Variants in STARD9 observed in about 807,000 individuals in gnomAD.
The protein encoded by STARD9 is stAR-related lipid transfer protein 9.
A neutral mutation model predicts 399.8 loss-of-function variants in STARD9; 346 were observed. That is an observed-to-expected ratio of 0.87 (90% confidence interval 0.79 to 0.95). STARD9 has a LOEUF of 0.95. Ranked by LOEUF, STARD9 falls within the 40% of genes least tolerant of loss-of-function variation. The pLI, the probability that STARD9 is intolerant of heterozygous loss-of-function variation, is 0.00. For synonymous variants in STARD9, 2,203 were observed against 2,143.5 expected (o/e 1.03, Z -0.77); for missense variants, 5,832 against 5,667.5 (o/e 1.03, Z -0.93).
At chr15:42,661,007 T>C (rs891952132) in intron 9 of STARD9, 151 bp from the exon 10 acceptor site, 7 of 561,118 alleles carry the variant, frequency 1.2e-5, no homozygotes, top group Non-Finnish European at 2.2e-5. Flanking sequence ...TGTCAGATAT[T>C]GAGAGCTCAC....
rs2140276435 is a variant in STARD9, at chr15:42,690,757, C to T, written c.9179C>T (p.Pro3060Leu). ...VLSRAQGCRSPSAPDVRTGSF... is the reference protein window; with the variant it reads ...VLSRAQGCRSLSAPDVRTGSF... ...TCTCGAGCTCAAGGCTGCAGATCCCCTTCTGCTCCTGACGTGAGGACAGGT... is the reference window on the plus strand; with the variant it reads ...TCTCGAGCTCAAGGCTGCAGATCCCTTTCTGCTCCTGACGTGAGGACAGGT... Residue 3060 changes from proline (P) to leucine (L), a missense_variant, in exon 23 of 33, where the codon CCT (proline) becomes CTT (leucine). Pro to Leu is a moderately conservative substitution (Grantham distance 98). Coordinates refer to ENST00000290607, the MANE Select transcript of STARD9 (RefSeq NM_020759.3). The T allele has an allele frequency of 6.5e-7, 1 of 1,537,238 alleles. No individual in the cohort carries two copies. The highest frequency in any genetic ancestry group is 2.4e-5 in the East Asian group (1 of 40,920).
chr15:42,717,389 G>A (rs550427925), intron 28 of STARD9, among the ~76,000 whole-genome samples: 72 of 152,152 alleles, frequency 4.7e-4, no homozygotes, highest in African/African-American at 1.7e-3. Flanking sequence ...TTGGGAGGCT[G>A]AGGTGGGAAG....
intron 6 of STARD9, 182 bp downstream of exon 6, chr15:42,638,269 A>G (rs1595685670): frequency 1.6e-6 from 1 of 627,786 alleles, no homozygotes; most frequent in Admixed American, 2.9e-5. Flanking sequence ...AGGAAACTTA[A>G]TTTCCTACCC....
chr15:42,655,250 C>T (rs889574827), intron 9 of STARD9, among the ~76,000 whole-genome samples: 2 of 152,208 alleles, frequency 1.3e-5, no homozygotes, highest in African/African-American at 4.8e-5. Context: ...CCGCTGCACT[C>T]CAGCCTGGGC....
intron 3 of STARD9, among the ~76,000 whole-genome samples, chr15:42,591,772 A>G (rs1464447250): frequency 2.0e-5 from 3 of 152,248 alleles, no homozygotes; most frequent in African/African-American, 7.2e-5. Context: ...GTTGTCACCA[A>G]CTAGGGACTA....
intron 4 of STARD9, 74 bp from the exon 5 acceptor site, chr15:42,637,833 G>A (rs2059447377): frequency 2.1e-6 from 3 of 1,456,056 alleles, no homozygotes; most frequent in Non-Finnish European, 2.8e-6. Context: ...TGCTGAGGAT[G>A]GTTCCTGGGT....
intron 26 of STARD9, among the ~76,000 whole-genome samples, chr15:42,702,082 A>T (rs748762186): frequency 3.3e-5 from 5 of 151,926 alleles, no homozygotes; most frequent in Admixed American, 1.3e-4. Context: ...TTCCTCGCTA[A>T]CAGATATTAG....
At chr15:42,604,745 GC>G (rs1297111325) in intron 3 of STARD9, among the ~76,000 whole-genome samples, 1 of 143,866 alleles carries the variant, frequency 7.0e-6, no homozygotes, top group African/African-American at 2.6e-5. Context: ...CTGGGCTCAA[GC>G]AATCCTCCCA....
intron 9 of STARD9, 39 bp downstream of exon 9, chr15:42,652,631 C>T (rs28650274): frequency 0.023 from 33,719 of 1,489,918 alleles, 499 homozygotes; most frequent in Middle Eastern, 0.032. Context: ...TTCTTCCTCT[C>T]CTTGTACCTT....
chr15:42,577,960 G>A (rs2058090507), intron 1 of STARD9, among the ~76,000 whole-genome samples: 1 of 152,156 alleles, frequency 6.6e-6, no homozygotes, highest in African/African-American at 2.4e-5. Flanking sequence ...TGTTTTTCCA[G>A]ATGACAGAAT....
Position 42,686,345 on chromosome 15 carries a change from T to G in STARD9, c.4767T>G (p.Thr1589=). 6.5e-7 allele frequency: 1 copy of G among 1,537,512 alleles called. No homozygotes were observed. Among genetic ancestry groups the G allele is most frequent in the Non-Finnish European group, 8.7e-7 (1 of 1,146,962 alleles). The change falls in exon 23 of 33, where the codon ACT becomes ACG. Residue 1589 remains threonine (T), a synonymous_variant. Transcript: ENST00000290607. ...AGAAAGAGGCGAGTTATGACGAAAC[T>G]TATTCGGCAGACTTAGAATCATTGT... ...TSEKEASYDE[T]YSADLESLSA...
intron 9 of STARD9, among the ~76,000 whole-genome samples, chr15:42,659,517 CTTTG>C (rs1344920172): frequency 6.6e-6 from 1 of 151,886 alleles, no homozygotes; most frequent in Non-Finnish European, 1.5e-5. Flanking sequence ...TCAGGGTTTT[CTTTG>C]TTTGTTTTTG....
intron 9 of STARD9, among the ~76,000 whole-genome samples, chr15:42,655,901 A>G (rs2059858686): frequency 6.6e-6 from 1 of 152,204 alleles, no homozygotes; most frequent in African/African-American, 2.4e-5. Context: ...AGTCCCATCA[A>G]AAAGTGGGCT....
chr15:42,584,212 C>T (rs1238954161), intron 2 of STARD9, among the ~76,000 whole-genome samples: 1 of 152,090 alleles, frequency 6.6e-6, no homozygotes, highest in East Asian at 1.9e-4. Flanking sequence ...TATTTGGACC[C>T]CAGTCTTCAC....
In STARD9 at chr15:42,665,292, A is replaced by T. The variant is rs1335966493; in HGVS notation, c.1216A>T (p.Ile406Phe). 21 of 1,537,164 alleles carry T rather than the reference A, an allele frequency of 1.4e-5. No homozygotes were observed. Among genetic ancestry groups the T allele is most frequent in the Non-Finnish European group, 1.7e-5 (19 of 1,146,836 alleles). ...LKLIRELREE[I>F]ERLKALLLSF... Reference sequence around the variant, plus strand: ...ACTGATTAGAGAACTCAGAGAAGAGATTGAAAGACTGAAAGCCCTGCTGCT... The same window carrying T: ...ACTGATTAGAGAACTCAGAGAAGAGTTTGAAAGACTGAAAGCCCTGCTGCT... Residue 406 changes from isoleucine (I) to phenylalanine (F), a missense_variant, in exon 14 of 33, where the codon ATT becomes TTT. Ile to Phe is a conservative substitution (Grantham distance 21). Transcript: ENST00000290607.
Position 42,687,023 on chromosome 15 carries a change from C to T in STARD9, c.5445C>T (p.Val1815=), listed in dbSNP as rs749515257. 4.4e-5 allele frequency: 67 copies of T among 1,536,316 alleles called. No individual in the cohort carries two copies. In the African/African-American group the frequency reaches 7.5e-4, roughly 17 times the overall value. The change falls in exon 23 of 33, where the codon GTC becomes GTT. Residue 1815 remains valine, a synonymous_variant. Transcript: ENST00000290607. ...QNSKIASSQQ[V]TAEIPVDLNT... Reference sequence around the variant, plus strand: ...CTAAGATTGCCTCATCTCAGCAGGTCACAGCTGAGATACCAGTTGATCTGA... The same window carrying T: ...CTAAGATTGCCTCATCTCAGCAGGTTACAGCTGAGATACCAGTTGATCTGA...
chr15:42,671,370 G>T (rs1248142047), intron 16 of STARD9: 1 of 152,098 alleles, frequency 6.6e-6, no homozygotes, highest in African/African-American at 2.4e-5. Flanking sequence ...GTGCAGAGGG[G>T]TGCTTCTCCT....
intron 16 of STARD9, chr15:42,671,684 A>C (rs2060205020): frequency 6.6e-6 from 1 of 151,702 alleles, no homozygotes; most frequent in South Asian, 2.1e-4. Context: ...TAAAGGCAGA[A>C]AGGAAGAAAA....
chr15:42,675,062 G>A (rs1205384222), intron 18 of STARD9, 98 bp downstream of exon 18: 1 of 1,300,732 alleles, frequency 7.7e-7, no homozygotes, highest in Non-Finnish European at 1.0e-6. Context: ...TTTAAAAATG[G>A]ATCACCCAGC....
Sources: allele counts gnomAD v4.1 joint callset (sites outside exome capture counted in the v4.1 genomes callset), GRCh38; gene constraint gnomAD v4.1.1; transcripts MANE v1.5; gene names NCBI Gene and HGNC (gene_info 2026-07-23, HGNC 2026-07-21).